PCDHGB3: variants seen among roughly 807,000 people sequenced by gnomAD.
PCDHGB3 encodes the protein protocadherin gamma subfamily B, 3.
Under a neutral mutation model 59.2 loss-of-function variants are expected in PCDHGB3, and 40 were observed. That is an observed-to-expected ratio of 0.68 (90% CI 0.52 to 0.88). The LOEUF (loss-of-function observed/expected upper bound fraction) is 0.88, where lower values mean the gene tolerates loss of function less well. Among genes scored for constraint, PCDHGB3 ranks in the 40% least tolerant of loss-of-function variants. PCDHGB3 has a pLI of 0.00. For synonymous variants in PCDHGB3, 581 were observed against 503.6 expected, an observed-to-expected ratio of 1.15 and a Z score of -2.06; for missense variants, 1,309 against 1,187.9, an observed-to-expected ratio of 1.10 and a Z score of -1.50.
chr5:141,476,137 G>A lies in PCDHGB3; in HGVS notation c.2416-18670G>A. The A allele has an allele frequency of 1.2e-6, 2 of 1,609,204 alleles. No homozygotes were observed. The highest frequency in any genetic ancestry group is 1.7e-6 in the Non-Finnish European group (2 of 1,178,592). On this transcript the variant is annotated intron_variant, in intron 1 of 3. Coordinates refer to ENST00000576222, the MANE Select transcript of PCDHGB3 (RefSeq NM_018924.5). The surrounding 1 kb of genome is among the most constrained non-coding windows in gnomAD (Gnocchi z 7.6). ...GTGAGATGGTCCCAGAGGCCTGGAGGAGCGGACTGGTAAGCACCGGGAGGG... is the reference window on the plus strand; with the variant it reads ...GTGAGATGGTCCCAGAGGCCTGGAGAAGCGGACTGGTAAGCACCGGGAGGG...
chr5:141,438,599 T>C (rs1320902737), intron 1 of PCDHGB3, among the ~76,000 whole-genome samples: 17 of 32,510 alleles, frequency 5.2e-4, no homozygotes, highest in African/African-American at 6.7e-4. Flanking sequence ...TACATATATA[T>C]ATATATATAT....
intron 1 of PCDHGB3, chr5:141,377,877 A>T (rs2150119118): frequency 6.6e-6 from 1 of 152,320 alleles, no homozygotes; most frequent in South Asian, 2.1e-4. Flanking sequence ...TTCTCTTATC[A>T]GAGATAGGAT....
Position 141,408,693 on chromosome 5 carries a change from TAAACTC to T in PCDHGB3, c.2415+35887_2415+35892del, listed in dbSNP as rs1561714743. 1.9e-6 allele frequency: 3 copies of T among 1,613,768 alleles called. No homozygotes were observed. In the African/African-American group the frequency reaches 4.0e-5, roughly 22 times the overall value. On this transcript the variant is annotated intron_variant, in intron 1 of 3. Coordinates refer to ENST00000576222, the MANE Select transcript of PCDHGB3 (RefSeq NM_018924.5). The stretch of plus-strand genomic sequence containing the variant: ...CCTGCCACGGATCCTGATATAAACA[TAAACTC>T]AATTAAAGATTATAAGATAAACTCT...
Position 141,502,866 on chromosome 5 carries a change from C to CTTTTTTTTTTTTTT in PCDHGB3, c.2475-2526_2475-2513dup, listed in dbSNP as rs549047197. Among the ~76,000 whole-genome samples the CTTTTTTTTTTTTTT allele has an allele frequency of 1.6e-4, 20 of 128,024 alleles. 4 individuals are homozygous for CTTTTTTTTTTTTTT. The highest frequency in any genetic ancestry group is 2.6e-4 in the Admixed American group (3 of 11,660). 84.0% of individuals were successfully genotyped at this position (128,024 alleles called of 152,430 possible). A position where few individuals can be genotyped will look rare whatever the true frequency, so the allele number is the denominator to read the frequency against. The stretch of plus-strand genomic sequence containing the variant: ...GAGCTGCCTAACCCTGACTCTCTGT[C>CTTTTTTTTTTTTTT]TTTTTTTTTTTTTTGACAGGGAGTC... On this transcript the variant is annotated intron_variant, in intron 2 of 3. Transcript: ENST00000576222.
intron 1 of PCDHGB3, among the ~76,000 whole-genome samples, chr5:141,488,007 G>A (rs1269050547): frequency 6.6e-6 from 1 of 152,178 alleles, no homozygotes; most frequent in African/African-American, 2.4e-5. Flanking sequence ...ATCAGATTCT[G>A]AAGTACCTTA....
intron 1 of PCDHGB3, chr5:141,415,733 T>C: frequency 7.1e-7 from 1 of 1,407,484 alleles, no homozygotes; most frequent in Non-Finnish European, 9.3e-7. Context: ...ATTTGATGTT[T>C]ATTAAGGTTT....
At chr5:141,394,430 C>T (rs2150569215) in intron 1 of PCDHGB3, 1 of 1,614,244 alleles carries the variant, frequency 6.2e-7, no homozygotes, top group African/African-American at 1.3e-5. Context: ...ACAGCGGGGA[C>T]CCGCCCCTCA....
chr5:141,416,063 A>G (rs546746824), intron 1 of PCDHGB3: 201 of 176,914 alleles, frequency 1.1e-3, no homozygotes, highest in Non-Finnish European at 1.8e-3. Flanking sequence ...ATCCAAGAAT[A>G]CTCAATGCAG....
At chr5:141,401,239 G>A (rs1024455506) in intron 1 of PCDHGB3, among the ~76,000 whole-genome samples, 6 of 152,154 alleles carry the variant, frequency 3.9e-5, no homozygotes, top group Admixed American at 6.5e-5. Flanking sequence ...CTACTCAGGA[G>A]GCTAAGACAG....
At chr5:141,436,214 A>G (rs1242199916) in intron 1 of PCDHGB3, among the ~76,000 whole-genome samples, 5 of 152,160 alleles carry the variant, frequency 3.3e-5, no homozygotes, top group African/African-American at 7.2e-5. Context: ...AGGAAAACAA[A>G]TGACTTGGGA....
At chr5:141,403,491 T>A in intron 1 of PCDHGB3, 1 of 1,614,010 alleles carries the variant, frequency 6.2e-7, no homozygotes, top group South Asian at 1.1e-5. Context: ...CACTTCTCCC[T>A]GAACGTGCAG....
intron 1 of PCDHGB3, among the ~76,000 whole-genome samples, chr5:141,482,832 G>A (rs2099573281): frequency 6.6e-6 from 1 of 152,188 alleles, no homozygotes; most frequent in Non-Finnish European, 1.5e-5. Flanking sequence ...AGCACTTTGG[G>A]AGGCCAAGGT....
Position 141,489,341 on chromosome 5 carries a change from CAGT to C in PCDHGB3, c.2416-5465_2416-5463del. The stretch of plus-strand genomic sequence containing the variant: ...TGGGTGTCTGGGCAGCTTCGTTACT[CAGT>C]GGTGGAGGAGTCTGAGCCGGGGACG... On this transcript the variant is annotated intron_variant, in intron 1 of 3. Coordinates refer to ENST00000576222, the MANE Select transcript of PCDHGB3 (RefSeq NM_018924.5). This position sits in a 1 kb window ranked among gnomAD's most constrained non-coding sequence, Gnocchi z 4.5. The C allele has an allele frequency of 6.2e-7, 1 of 1,609,088 alleles. No homozygotes were observed. Among genetic ancestry groups the C allele is most frequent in the Non-Finnish European group, 8.5e-7 (1 of 1,176,770 alleles).
At chr5:141,430,915 G>A (rs565034370) in intron 1 of PCDHGB3, 2 of 1,607,738 alleles carry the variant, frequency 1.2e-6, no homozygotes, top group East Asian at 4.5e-5. Context: ...CCAGGGACCT[G>A]GGGCTGGAGC....
intron 2 of PCDHGB3, 119 bp from the exon 3 acceptor site, chr5:141,505,274 C>T: frequency 6.6e-7 from 1 of 1,524,344 alleles, no homozygotes; most frequent in East Asian, 2.3e-5. Flanking sequence ...CTGAGAGAAA[C>T]AGGTCTTGGG....
chr5:141,500,618 C>T (rs554274946), intron 2 of PCDHGB3, among the ~76,000 whole-genome samples: 1 of 152,262 alleles, frequency 6.6e-6, no homozygotes, highest in South Asian at 2.1e-4. Flanking sequence ...CCCAGTCATA[C>T]GGTACATTTC....
intron 1 of PCDHGB3, among the ~76,000 whole-genome samples, chr5:141,407,310 T>C (rs1468156890): frequency 6.6e-6 from 1 of 152,224 alleles, no homozygotes; most frequent in Non-Finnish European, 1.5e-5. Context: ...GTAGCCTTCA[T>C]ACTTAGTATT....
intron 1 of PCDHGB3, among the ~76,000 whole-genome samples, chr5:141,448,768 G>A (rs544426582): frequency 1.3e-5 from 2 of 151,632 alleles, no homozygotes; most frequent in Non-Finnish European, 2.9e-5. Flanking sequence ...GTGAAACCCC[G>A]TCTGTACTAA....
At chr5:141,461,979 A>C (rs1420971777) in intron 1 of PCDHGB3, among the ~76,000 whole-genome samples, 1 of 152,144 alleles carries the variant, frequency 6.6e-6, no homozygotes, top group Non-Finnish European at 1.5e-5. Context: ...ATATGCCACC[A>C]CGCCAGGCTA....
Sources: gnomAD v4.1 joint callset for allele counts (sites outside exome capture counted in the v4.1 genomes callset) on GRCh38, gnomAD v4.1.1 for gene constraint, Gnocchi (gnomAD v3.1) non-coding constraint, MANE v1.5 for transcripts, NCBI Gene and HGNC (gene_info 2026-07-23, HGNC 2026-07-21) for gene names.